The following ANKRD42 variants were observed in gnomAD, a reference collection of about 807,000 sequenced individuals.
The protein encoded by ANKRD42 is ankyrin repeat domain-containing protein 42.
ANKRD42 carries 43 observed loss-of-function variants against 51.5 expected under a neutral mutation model. The observed-to-expected ratio is 0.83, with a 90% CI of 0.65 to 1.08. The LOEUF is 1.08. Among genes scored for constraint, ANKRD42 ranks in the 50% least tolerant of loss-of-function variants. The pLI is 0.00. For synonymous variants in ANKRD42, 203 were observed against 213.0 expected (o/e 0.95, Z 0.41); for missense variants, 608 against 629.3 (o/e 0.97, Z 0.36).
chr11:83,200,229 C>G (rs1201565911), intron 2 of ANKRD42, among the ~76,000 whole-genome samples: 1 of 152,148 alleles, frequency 6.6e-6, no homozygotes, highest in African/African-American at 2.4e-5. Context: ...ACTCAGTCTA[C>G]TTTGGTTAAC....
intron 1 of ANKRD42, among the ~76,000 whole-genome samples, chr11:83,196,774 T>A (rs1454775676): frequency 2.6e-5 from 4 of 152,140 alleles, no homozygotes; most frequent in Non-Finnish European, 5.9e-5. Flanking sequence ...GATGAGTGAA[T>A]AAATCGGGAT....
At chr11:83,216,526 G>A (rs1247332879) in intron 5 of ANKRD42, among the ~76,000 whole-genome samples, 6 of 151,702 alleles carry the variant, frequency 4.0e-5, no homozygotes, top group African/African-American at 9.7e-5. Flanking sequence ...GGGTTTCACC[G>A]TGTTAGCCAG....
intron 5 of ANKRD42, among the ~76,000 whole-genome samples, chr11:83,222,412 C>T (rs1007579158): frequency 2.6e-5 from 4 of 152,034 alleles, no homozygotes; most frequent in Non-Finnish European, 5.9e-5. Context: ...GACAGGTAAT[C>T]ATCTAAATAA....
At chr11:83,227,569 G>A (rs1353918322) in intron 6 of ANKRD42, among the ~76,000 whole-genome samples, 178 bp from the exon 7 acceptor site, 1 of 152,180 alleles carries the variant, frequency 6.6e-6, no homozygotes, top group Admixed American at 6.5e-5. Context: ...GGAGTAGAAT[G>A]ATTAGTAATA....
intron 11 of ANKRD42, among the ~76,000 whole-genome samples, chr11:83,254,017 C>G (rs1164818165): frequency 2.6e-5 from 4 of 152,174 alleles, no homozygotes; most frequent in African/African-American, 9.7e-5. Context: ...ACTCTGTGCC[C>G]AGGCTGGCAT....
At chr11:83,249,737 A>G (rs1434366535), downstream of ANKRD42, among the ~76,000 whole-genome samples, 2 of 151,946 alleles carry the variant, frequency 1.3e-5, no homozygotes, top group African/African-American at 2.4e-5. Context: ...GCTTTAGGTT[A>G]TACCTAATTT....
intron 2 of ANKRD42, 71 bp downstream of exon 2, chr11:83,198,713 G>C: frequency 7.1e-7 from 1 of 1,401,148 alleles, no homozygotes; most frequent in Non-Finnish European, 9.6e-7. Context: ...TTAGCAAACA[G>C]GGCTGAGACC....
chr11:83,227,969 C>CT (rs763982681), intron 7 of ANKRD42, 97 bp downstream of exon 7: 5 of 1,409,444 alleles, frequency 3.5e-6, no homozygotes, highest in Non-Finnish European at 4.7e-6. Context: ...AAACATGAAA[C>CT]TTTTTTCTGA....
chr11:83,193,906 G>A lies in ANKRD42; in HGVS notation c.-765G>A. 4.4e-6 allele frequency: 2 copies of A among 454,530 alleles called. No homozygotes were observed. The highest frequency in any genetic ancestry group is 8.9e-6 in the Non-Finnish European group (2 of 225,308). 28.2% of individuals were successfully genotyped at this position (454,530 alleles called of 1,614,324 possible). A position where few individuals can be genotyped will look rare whatever the true frequency, so the allele number is the denominator to read the frequency against. ...GATAAACGGTCTACACGGCCATTCC[G>A]GCGCCGAGTCTAGGGAAAGAGTTAG... On this transcript the variant is annotated 5_prime_UTR_variant, in exon 1 of 11. Transcript: ENST00000533342.
In ANKRD42 at chr11:83,248,861, T is replaced by C. The variant is rs926269842; in HGVS notation, c.*657T>C. 3 of 982,768 alleles carry C rather than the reference T, an allele frequency of 3.1e-6. No homozygotes were observed. Among genetic ancestry groups the C allele is most frequent in the Admixed American group, 6.1e-5 (1 of 16,274 alleles). The allele number at this position is 982,768 out of a possible 1,614,324, so 60.9% of individuals were successfully genotyped here. A position where few individuals can be genotyped will look rare whatever the true frequency, so the allele number is the denominator to read the frequency against. Reference sequence around the variant, plus strand: ...ACAAAATTCTATTTATCTGCAAACATGTATGTGTATTTCTATGCATATGCA... The same window carrying C: ...ACAAAATTCTATTTATCTGCAAACACGTATGTGTATTTCTATGCATATGCA... On this transcript the variant is annotated 3_prime_UTR_variant, in exon 11 of 11. Coordinates refer to ENST00000533342, the MANE Select transcript of ANKRD42 (RefSeq NM_001300975.2).
rs1163999168 is a variant in ANKRD42, at chr11:83,206,125, C to G, written c.290C>G (p.Ser97Cys). ...THVTTRGWTA[S>C]HIAAIRGQDA... ...GTAACAACGAGAGGTTGGACAGCAT[C>G]TCACATAGCTGCAATCAGGGGTCAG... Residue 97 changes from serine (S) to cysteine (C), a missense_variant, in exon 3 of 11, where the codon TCT becomes TGT. By Grantham distance (112) the Ser-to-Cys change is moderately radical. Coordinates refer to ENST00000533342, the MANE Select transcript of ANKRD42 (RefSeq NM_001300975.2). 2.5e-6 allele frequency: 4 copies of G among 1,613,960 alleles called. No homozygotes were observed. The highest frequency in any genetic ancestry group is 3.4e-6 in the Non-Finnish European group (4 of 1,179,948).
downstream of ANKRD42, chr11:83,261,907 AAT>A (rs747032998): frequency 6.3e-7 from 1 of 1,599,520 alleles, no homozygotes; most frequent in Admixed American, 1.7e-5. Flanking sequence ...GATGAGCATT[AAT>A]ACTACTTCCA....
intron 5 of ANKRD42, among the ~76,000 whole-genome samples, chr11:83,216,179 A>G (rs1862523275): frequency 6.6e-6 from 1 of 152,192 alleles, no homozygotes; most frequent in Non-Finnish European, 1.5e-5. Flanking sequence ...TTAGTCTCAT[A>G]CTGGAGTTAT....
At chr11:83,233,501 T>C (rs1302326037) in intron 7 of ANKRD42, among the ~76,000 whole-genome samples, 3 of 152,198 alleles carry the variant, frequency 2.0e-5, no homozygotes, top group Non-Finnish European at 4.4e-5. Flanking sequence ...TAAAGGTTTG[T>C]CCATTTTGTT....
At chr11:83,228,850 C>T (rs1348323228) in intron 7 of ANKRD42, among the ~76,000 whole-genome samples, 2 of 152,076 alleles carry the variant, frequency 1.3e-5, no homozygotes, top group Non-Finnish European at 2.9e-5. Flanking sequence ...GTATCTCACT[C>T]CATCCATTTC....
At chr11:83,237,862 C>G (rs949795143) in intron 8 of ANKRD42, among the ~76,000 whole-genome samples, 4 of 152,294 alleles carry the variant, frequency 2.6e-5, no homozygotes, top group Non-Finnish European at 5.9e-5. Flanking sequence ...AGTCTCCTGC[C>G]ACTTTATAAC....
intron 4 of ANKRD42, among the ~76,000 whole-genome samples, chr11:83,211,074 A>T (rs1031804660): frequency 3.3e-5 from 5 of 152,340 alleles, no homozygotes; most frequent in Admixed American, 2.6e-4. Flanking sequence ...GTTCGTTTTT[A>T]AAAACTATTT....
chr11:83,230,174 C>G (rs1863024001), intron 7 of ANKRD42, among the ~76,000 whole-genome samples: 1 of 152,144 alleles, frequency 6.6e-6, no homozygotes, highest in African/African-American at 2.4e-5. Flanking sequence ...ACTTCAGCCT[C>G]CTGAGTAGCT....
chr11:83,264,093 T>C (rs1864098342), downstream of ANKRD42, among the ~76,000 whole-genome samples: 1 of 152,198 alleles, frequency 6.6e-6, no homozygotes, highest in Admixed American at 6.5e-5. Context: ...GCCACCAAGA[T>C]ATGTGTGTGT....
Sources: gnomAD v4.1 joint callset for allele counts (sites outside exome capture counted in the v4.1 genomes callset) on GRCh38, gnomAD v4.1.1 for gene constraint, MANE v1.5 for transcripts, NCBI Gene and HGNC (gene_info 2026-07-23, HGNC 2026-07-21) for gene names.